The following ZNF407 variants were observed in gnomAD, a reference collection of about 807,000 sequenced individuals.
ZNF407 encodes zinc finger protein 407.
In ZNF407, 17 loss-of-function variants were observed where a neutral mutation model predicts 131.2. The observed-to-expected ratio is 0.13, with a 90% CI of 0.09 to 0.19. The LOEUF (loss-of-function observed/expected upper bound fraction) is 0.19, where lower values mean the gene tolerates loss of function less well. Among genes scored for constraint, ZNF407 ranks in the 10% least tolerant of loss-of-function variants. The probability of loss-of-function intolerance (pLI) is 1.00; values close to 1 mark genes in which losing one functional copy is unlikely to be tolerated. For synonymous variants in ZNF407, 1,156 were observed against 1,062.0 expected (o/e 1.09, Z -1.72); for missense variants, 2,681 against 2,830.6 (o/e 0.95, Z 1.20).
chr18:75,016,934 C>T (rs2122194182), intron 8 of ZNF407, among the ~76,000 whole-genome samples: 1 of 152,238 alleles, frequency 6.6e-6, no homozygotes, highest in African/African-American at 2.4e-5. Flanking sequence ...TTTATCTTAG[C>T]TTACCCATTA....
At chr18:74,856,585 C>G (rs1015889468) in intron 4 of ZNF407, among the ~76,000 whole-genome samples, 4 of 152,166 alleles carry the variant, frequency 2.6e-5, no homozygotes, top group African/African-American at 7.2e-5. Flanking sequence ...TTTCTGTCCT[C>G]TGTAGCTGCC....
chr18:74,634,210 A>C lies in ZNF407; in HGVS notation c.3191A>C (p.His1064Pro). ...GTGACTCGTCGCGAGATGACCAGGC[A>C]TGCAGCAACAGAGAAGCACAAAATG... ...YAVTRREMTRHAATEKHKMKR... is the reference protein window; with the variant it reads ...YAVTRREMTRPAATEKHKMKR... The change falls in exon 2 of 9, where the codon CAT becomes CCT. Residue 1064 changes from histidine (H) to proline (P), a missense_variant. This residue lies in a region of ZNF407 where 1,789 missense variants were observed against 1,748.7 expected (regional missense o/e 1.02). Coordinates refer to ENST00000299687, the MANE Select transcript of ZNF407 (RefSeq NM_017757.3). 6.2e-7 allele frequency: 1 copy of C among 1,614,062 alleles called. No homozygotes were observed. The highest frequency in any genetic ancestry group is 8.5e-7 in the Non-Finnish European group (1 of 1,179,900).
chr18:74,853,494 C>T (rs145615382), intron 4 of ZNF407, among the ~76,000 whole-genome samples: 251 of 152,264 alleles, frequency 1.6e-3, no homozygotes, highest in Middle Eastern at 0.014. Flanking sequence ...TTCTTTGCAT[C>T]GTTAGGCTTT....
At chr18:74,898,880 G>C (rs995449998) in intron 7 of ZNF407, among the ~76,000 whole-genome samples, 3 of 152,098 alleles carry the variant, frequency 2.0e-5, no homozygotes, top group African/African-American at 4.8e-5. Context: ...GAAGTGTCTG[G>C]GGGGAAAAGT....
At chr18:74,724,379 C>G (rs982447742) in intron 3 of ZNF407, among the ~76,000 whole-genome samples, 2 of 152,036 alleles carry the variant, frequency 1.3e-5, no homozygotes, top group African/African-American at 4.8e-5. Context: ...TTGAAATACA[C>G]TATTATTAAC....
intron 8 of ZNF407, among the ~76,000 whole-genome samples, chr18:75,054,450 A>G (rs1373608468): frequency 1.3e-5 from 2 of 152,268 alleles, no homozygotes; most frequent in Admixed American, 6.5e-5. Context: ...ACATGACTAC[A>G]AAAGTGAATG....
chr18:74,995,853 G>A (rs1220453442), intron 8 of ZNF407, among the ~76,000 whole-genome samples: 2 of 152,162 alleles, frequency 1.3e-5, no homozygotes, highest in Non-Finnish European at 2.9e-5. Flanking sequence ...TATGCATTCA[G>A]AGTGAGTGGT....
At chr18:74,977,498 A>T (rs1972541061) in intron 8 of ZNF407, among the ~76,000 whole-genome samples, 1 of 152,232 alleles carries the variant, frequency 6.6e-6, no homozygotes, top group Non-Finnish European at 1.5e-5. Flanking sequence ...ACACGTTTTC[A>T]CATCAAAGAT....
intron 3 of ZNF407, among the ~76,000 whole-genome samples, chr18:74,729,496 T>A (rs1166419364): frequency 6.6e-6 from 1 of 152,160 alleles, no homozygotes; most frequent in Non-Finnish European, 1.5e-5. Flanking sequence ...GTGGTTTGTG[T>A]GTGTGTGTGT....
intron 4 of ZNF407, among the ~76,000 whole-genome samples, chr18:74,876,793 C>T (rs1971163080): frequency 6.6e-6 from 1 of 152,190 alleles, no homozygotes; most frequent in African/African-American, 2.4e-5. Flanking sequence ...GGCCCTGCTC[C>T]AGCCGTACAA....
At chr18:74,979,390 C>T (rs1470129550) in intron 8 of ZNF407, among the ~76,000 whole-genome samples, 3 of 152,302 alleles carry the variant, frequency 2.0e-5, no homozygotes, top group Admixed American at 1.3e-4. Context: ...CTCCCGGGTT[C>T]GAGCAATTCT....
chr18:74,622,903 TTA>T (rs1042985223), intron 1 of ZNF407, among the ~76,000 whole-genome samples: 7 of 152,120 alleles, frequency 4.6e-5, no homozygotes, highest in Admixed American at 3.3e-4. Flanking sequence ...CGTGTCTGTT[TTA>T]GTGTGTGAAT....
At chr18:74,782,951 A>G (rs1048072321) in intron 4 of ZNF407, among the ~76,000 whole-genome samples, 1 of 152,178 alleles carries the variant, frequency 6.6e-6, no homozygotes, top group African/African-American at 2.4e-5. Context: ...ATTGCAGCAA[A>G]AATACATGCA....
intron 8 of ZNF407, among the ~76,000 whole-genome samples, chr18:74,968,800 A>T (rs1972438265): frequency 6.6e-6 from 1 of 152,012 alleles, no homozygotes; most frequent in Non-Finnish European, 1.5e-5. Context: ...CAGCTTCTTG[A>T]TTGGCAGGTA....
intron 3 of ZNF407, among the ~76,000 whole-genome samples, chr18:74,767,623 A>G (rs1473943122): frequency 1.3e-5 from 2 of 150,174 alleles, no homozygotes; most frequent in African/African-American, 2.4e-5. Context: ...ATATGTTCAG[A>G]ATTAGATTGT....
At chr18:74,932,026 T>C (rs905648268) in intron 8 of ZNF407, among the ~76,000 whole-genome samples, 1 of 152,208 alleles carries the variant, frequency 6.6e-6, no homozygotes, top group African/African-American at 2.4e-5. Flanking sequence ...AGAAAAGTCA[T>C]AGTATTCATA....
chr18:74,871,121 G>A (rs983922818), intron 4 of ZNF407, among the ~76,000 whole-genome samples: 1 of 152,222 alleles, frequency 6.6e-6, no homozygotes, highest in Non-Finnish European at 1.5e-5. Flanking sequence ...CTAAGCACAC[G>A]GCGCTCCTGT....
chr18:74,893,829 T>C (rs1038877074), intron 7 of ZNF407, among the ~76,000 whole-genome samples: 2 of 152,170 alleles, frequency 1.3e-5, no homozygotes, highest in Non-Finnish European at 2.9e-5. Context: ...ATTTAACTTC[T>C]AGTTTTATGT....
In ZNF407 at chr18:74,631,902, A is replaced by G. The variant is rs2144662993; in HGVS notation, c.883A>G (p.Thr295Ala). 6.2e-7 allele frequency: 1 copy of G among 1,613,936 alleles called. No homozygotes were observed. Among genetic ancestry groups the G allele is most frequent in the South Asian group, 1.1e-5 (1 of 91,052 alleles). Reference sequence around the variant, plus strand: ...ACAACCTTTTCCTAAAAAATCACGTACAATGGCAACAAAAAATGTTCACTC... The same window carrying G: ...ACAACCTTTTCCTAAAAAATCACGTGCAATGGCAACAAAAAATGTTCACTC... ...TKQPFPKKSR[T>A]MATKNVHSKP... is the part of the protein sequence containing the mutation. Residue 295 changes from threonine (T) to alanine (A), a missense_variant, in exon 2 of 9, where the codon ACA becomes GCA. By Grantham distance (58) the Thr-to-Ala change is moderately conservative (BLOSUM62 0). Coordinates refer to ENST00000299687, the MANE Select transcript of ZNF407 (RefSeq NM_017757.3).
Sources: gnomAD v4.1 joint callset for allele counts (sites outside exome capture counted in the v4.1 genomes callset) on GRCh38, gnomAD v4.1.1 for gene constraint, gnomAD v4.1.1 regional missense constraint, MANE v1.5 for transcripts, NCBI Gene and HGNC (gene_info 2026-07-23, HGNC 2026-07-21) for gene names.